Variants in TOX3 observed in about 807,000 individuals in gnomAD.
TOX3 encodes the protein TOX high mobility group box family member 3.
A neutral mutation model predicts 64.3 loss-of-function variants in TOX3; 22 were observed. The observed-to-expected ratio is 0.34, with a 90% CI of 0.24 to 0.49. The LOEUF is 0.49. Ranked by LOEUF, TOX3 falls within the 20% of genes least tolerant of loss-of-function variation. TOX3 has a pLI of 0.99. For synonymous variants in TOX3, 291 were observed against 273.6 expected (o/e 1.06, Z -0.63); for missense variants, 661 against 714.4 (o/e 0.93, Z 0.85).
At chr16:52,446,421 A>T (rs1960165533) in intron 4 of TOX3, among the ~76,000 whole-genome samples, 200 bp from the exon 5 acceptor site, 1 of 152,228 alleles carries the variant, frequency 6.6e-6, no homozygotes, top group Non-Finnish European at 1.5e-5. Flanking sequence ...TCGATTAATG[A>T]GACCCAGAAG....
intron 3 of TOX3, among the ~76,000 whole-genome samples, chr16:52,453,528 G>A (rs1960421834): frequency 6.6e-6 from 1 of 152,134 alleles, no homozygotes; most frequent in African/African-American, 2.4e-5. Context: ...AAATCTAGAT[G>A]TTTTAAAGTA....
chr16:52,488,971 C>T (rs1961602344), intron 1 of TOX3, among the ~76,000 whole-genome samples: 1 of 152,196 alleles, frequency 6.6e-6, no homozygotes, highest in African/African-American at 2.4e-5. Context: ...CCAAACCTCA[C>T]CCACTTGTCA....
In TOX3 at chr16:52,446,077, C is replaced by A; in HGVS notation, c.823G>T (p.Gly275Cys). 1 of 1,613,928 alleles carries A rather than the reference C, an allele frequency of 6.2e-7. No homozygotes were observed. Among genetic ancestry groups the A allele is most frequent in the Non-Finnish European group, 8.5e-7 (1 of 1,179,840 alleles). Residue 275 changes from glycine to cysteine, a missense_variant, in exon 5 of 7, where the codon GGT becomes TGT. Physicochemically the swap from Gly to Cys is radical, Grantham distance 159 (BLOSUM62 -3). Around this residue, in one of 3 missense-constraint regions of TOX3, gnomAD observed 103 missense variants for 161.2 expected, o/e 0.64. Transcript: ENST00000219746. ...FFRDTQAAIKGQNPNATFGEV... is the reference protein window; with the variant it reads ...FFRDTQAAIKCQNPNATFGEV... ...CCAAAGGTTGCATTGGGGTTTTGAC[C>A]TTTAATTGCAGCCTGTGTGTCTCTG...
intron 1 of TOX3, among the ~76,000 whole-genome samples, chr16:52,503,854 T>C (rs1177559595): frequency 2.0e-5 from 3 of 152,200 alleles, no homozygotes; most frequent in Non-Finnish European, 4.4e-5. Context: ...AAATGTATCA[T>C]ATAATCTATG....
chr16:52,490,318 G>A (rs1212440497), intron 1 of TOX3, among the ~76,000 whole-genome samples: 1 of 152,112 alleles, frequency 6.6e-6, no homozygotes. Flanking sequence ...CATGCTTCCT[G>A]TTAAGCCTGT....
intron 1 of TOX3, among the ~76,000 whole-genome samples, chr16:52,518,547 A>G: frequency 6.6e-6 from 1 of 152,240 alleles, no homozygotes; most frequent in East Asian, 1.9e-4. Flanking sequence ...TATTTAATAA[A>G]ACGTCTTCTC....
At chr16:52,488,520 C>A (rs1042305521) in intron 1 of TOX3, among the ~76,000 whole-genome samples, 1 of 152,150 alleles carries the variant, frequency 6.6e-6, no homozygotes, top group South Asian at 2.1e-4. Flanking sequence ...AGAAAAGACA[C>A]AAGAAGTGTT....
chr16:52,491,289 T>A (rs555786491), intron 1 of TOX3, among the ~76,000 whole-genome samples: 1 of 152,182 alleles, frequency 6.6e-6, no homozygotes, highest in Non-Finnish European at 1.5e-5. Flanking sequence ...GGGTGAGCTC[T>A]TCTTCCTCCT....
At chr16:52,454,591 G>C (rs1473393718) in intron 3 of TOX3, among the ~76,000 whole-genome samples, 8 of 152,072 alleles carry the variant, frequency 5.3e-5, no homozygotes. Context: ...AACTGCCTTG[G>C]GGAACTTGAG....
intron 1 of TOX3, among the ~76,000 whole-genome samples, chr16:52,497,761 T>A (rs1000326736): frequency 6.6e-6 from 1 of 152,156 alleles, no homozygotes; most frequent in Non-Finnish European, 1.5e-5. Flanking sequence ...AGGAGCTAGA[T>A]GTCCTTACAG....
chr16:52,490,820 G>T (rs45587038), intron 1 of TOX3, among the ~76,000 whole-genome samples: 1 of 151,718 alleles, frequency 6.6e-6, no homozygotes, highest in Non-Finnish European at 1.5e-5. Flanking sequence ...GTAGAGACAA[G>T]GTTTCTCTAT....
intron 1 of TOX3, among the ~76,000 whole-genome samples, chr16:52,478,168 T>C (rs1169980383): frequency 6.6e-6 from 1 of 152,200 alleles, no homozygotes; most frequent in East Asian, 1.9e-4. Context: ...CAAAGACACT[T>C]AGAGTAAAAT....
At chr16:52,485,093 GTA>G (rs1353015627) in intron 1 of TOX3, among the ~76,000 whole-genome samples, 21 of 149,042 alleles carry the variant, frequency 1.4e-4, no homozygotes, top group Admixed American at 6.7e-5. Flanking sequence ...GTATGTGTGT[GTA>G]TATATATACA....
chr16:52,447,381 C>CT (rs1385263946), intron 4 of TOX3, among the ~76,000 whole-genome samples: 1 of 152,236 alleles, frequency 6.6e-6, no homozygotes, highest in East Asian at 1.9e-4. Context: ...GTATTATTTA[C>CT]TTTCTAAATG....
chr16:52,500,528 G>A (rs1428645014), intron 1 of TOX3, among the ~76,000 whole-genome samples: 3 of 152,078 alleles, frequency 2.0e-5, no homozygotes, highest in Non-Finnish European at 4.4e-5. Context: ...GAGTTGTAAA[G>A]GTGAAAATCT....
At chr16:52,481,447 T>C (rs1230080512) in intron 1 of TOX3, among the ~76,000 whole-genome samples, 1 of 152,206 alleles carries the variant, frequency 6.6e-6, no homozygotes, top group Non-Finnish European at 1.5e-5. Context: ...ACTGAATGTG[T>C]TTATTTTCCA....
intron 1 of TOX3, chr16:52,475,491 T>C (rs564034249): frequency 1.7e-4 from 26 of 152,314 alleles, no homozygotes; most frequent in African/African-American, 6.0e-4. Context: ...CCCAGAACTA[T>C]CTACCTAGAA....
intron 3 of TOX3, among the ~76,000 whole-genome samples, chr16:52,453,056 A>G (rs1017178488): frequency 1.3e-5 from 2 of 152,196 alleles, no homozygotes; most frequent in African/African-American, 4.8e-5. Context: ...AATCTGAGCT[A>G]TCTATTCAGT....
At chr16:52,459,607 G>C (rs560659478) in intron 3 of TOX3, among the ~76,000 whole-genome samples, 1 of 152,212 alleles carries the variant, frequency 6.6e-6, no homozygotes, top group East Asian at 1.9e-4. Context: ...TGGCTAAATA[G>C]TCATCATCCT....
Sources: allele counts gnomAD v4.1 joint callset (sites outside exome capture counted in the v4.1 genomes callset), GRCh38; gene constraint gnomAD v4.1.1; regional missense constraint gnomAD v4.1.1; transcripts MANE v1.5; gene names NCBI Gene and HGNC (gene_info 2026-07-23, HGNC 2026-07-21).